The following LARS1 variants were observed in gnomAD, a reference collection of about 807,000 sequenced individuals.
LARS1 encodes the protein leucine--tRNA ligase, cytoplasmic.
LARS1 carries 100 observed loss-of-function variants against 162.8 expected under a neutral mutation model. The ratio of observed to expected loss-of-function variants is 0.61; its 90% confidence interval spans 0.52 to 0.73. LARS1 has a LOEUF of 0.73. Ranked by LOEUF, LARS1 falls within the 30% of genes least tolerant of loss-of-function variation. The pLI is 0.00. For missense variants in LARS1, 1,258 were observed against 1,408.9 expected (o/e 0.89, Z 1.71); for synonymous variants, 457 against 462.8 (o/e 0.99, Z 0.16).
intron 21 of LARS1, among the ~76,000 whole-genome samples, chr5:146,136,331 T>G (rs772539072): frequency 6.6e-5 from 10 of 152,184 alleles, no homozygotes; most frequent in Non-Finnish European, 1.3e-4. Context: ...AATGTCATGT[T>G]CTAACAAGAA....
rs187957461 is a variant in LARS1, at chr5:146,163,808, C to G, written c.594+502G>C. Among the ~76,000 whole-genome samples the G allele has an allele frequency of 1.7e-3, 254 of 152,342 alleles. 1 individual carries two copies. The highest frequency in any genetic ancestry group is 3.1e-3 in the South Asian group (15 of 4,828). On this transcript the variant is annotated intron_variant, in intron 6 of 31. Transcript: ENST00000394434. ...ACATGCCTTCCTCACTAAGCTTAATCATTTCTAGCTTTTTACTTAAAATGA... is the reference window on the plus strand; with the variant it reads ...ACATGCCTTCCTCACTAAGCTTAATGATTTCTAGCTTTTTACTTAAAATGA...
intron 15 of LARS1, 75 bp from the exon 16 acceptor site, chr5:146,144,784 T>G: frequency 7.4e-7 from 1 of 1,342,854 alleles, no homozygotes; most frequent in South Asian, 1.2e-5. Context: ...AAAAATTACT[T>G]TAAAAAAATG....
At chr5:146,166,007 G>T (rs1364841499) in intron 5 of LARS1, among the ~76,000 whole-genome samples, 1 of 152,090 alleles carries the variant, frequency 6.6e-6, no homozygotes, top group Admixed American at 6.5e-5. Flanking sequence ...AATACATAAA[G>T]AAATAAAAAC....
At chr5:146,162,494 G>T (rs1753819290) in intron 6 of LARS1, among the ~76,000 whole-genome samples, 1 of 152,070 alleles carries the variant, frequency 6.6e-6, no homozygotes, top group African/African-American at 2.4e-5. Context: ...TTAAACAGAT[G>T]TGCTGTCACC....
At chr5:146,140,489 C>T (rs961766237) in intron 20 of LARS1, among the ~76,000 whole-genome samples, 4 of 152,130 alleles carry the variant, frequency 2.6e-5, no homozygotes, top group South Asian at 2.1e-4. Context: ...TGGGGCTACA[C>T]GTATGGATAT....
At chr5:146,176,238 G>A (rs1754560348) in intron 2 of LARS1, among the ~76,000 whole-genome samples, 1 of 151,862 alleles carries the variant, frequency 6.6e-6, no homozygotes, top group Non-Finnish European at 1.5e-5. Context: ...CGGATCACGA[G>A]GTCAGGAAAT....
At chr5:146,136,225 T>C (rs1328759374) in intron 21 of LARS1, among the ~76,000 whole-genome samples, 1 of 152,232 alleles carries the variant, frequency 6.6e-6, no homozygotes, top group Admixed American at 6.5e-5. Flanking sequence ...CAGAAGGAAA[T>C]GATGATTATA....
rs540840730 is a variant in LARS1 at position 146,155,009 on chromosome 5, G to A, written c.1066-1029C>T. ...TGGGATTACAGGCATGCACCACCAC[G>A]CCTGGCTAATTTCTGTATTTTTAGT... On this transcript the variant is annotated intron_variant, in intron 10 of 31. Transcript: ENST00000394434. Among the ~76,000 whole-genome samples the A allele has an allele frequency of 5.4e-3, 812 of 151,672 alleles. 4 individuals are homozygous for A. Among genetic ancestry groups the A allele is most frequent in the African/African-American group, 0.019 (767 of 41,354 alleles).
chr5:146,140,189 T>C lies in LARS1; in HGVS notation c.2148+15A>G, dbSNP rs1486569323. 8 of 1,602,038 alleles carry C rather than the reference T, an allele frequency of 5.0e-6. No homozygotes were observed. Among genetic ancestry groups the C allele is most frequent in the Non-Finnish European group, 6.8e-6 (8 of 1,170,022 alleles). On this transcript the variant is annotated intron_variant, in intron 21 of 31. Coordinates refer to ENST00000394434, the MANE Select transcript of LARS1 (RefSeq NM_020117.11). ...TCCACAGAATTTTAAACTTTTAAGA[T>C]GCAATAAGCCTTACCTTCTCAGAGT... is the stretch of plus-strand genomic sequence containing the variant.
At chr5:146,181,106 C>G (rs1754813073) in intron 1 of LARS1, 1 of 152,380 alleles carries the variant, frequency 6.6e-6, no homozygotes, top group African/African-American at 2.4e-5. Flanking sequence ...GTAATCCCAG[C>G]ACTTTGGGAG....
At chr5:146,143,599 A>G in intron 18 of LARS1, 49 bp from the exon 19 acceptor site, 1 of 1,577,536 alleles carries the variant, frequency 6.3e-7, no homozygotes, top group Non-Finnish European at 8.7e-7. Context: ...CATTTCATCT[A>G]TAGAATCCAC....
chr5:146,121,058 A>T (rs558085480), intron 30 of LARS1, among the ~76,000 whole-genome samples: 4 of 152,318 alleles, frequency 2.6e-5, no homozygotes, highest in Non-Finnish European at 4.4e-5. Flanking sequence ...TAGTATCTTA[A>T]TAGAATACTT....
intron 1 of LARS1, 94 bp downstream of exon 1, chr5:146,182,394 A>G (rs1353490054): frequency 2.0e-6 from 3 of 1,534,272 alleles, no homozygotes; most frequent in Admixed American, 1.7e-5. Context: ...TCTTTTAGAA[A>G]AGGACTTTCC....
intron 28 of LARS1, among the ~76,000 whole-genome samples, chr5:146,126,087 T>C (rs924686637): frequency 1.3e-5 from 2 of 152,016 alleles, no homozygotes; most frequent in African/African-American, 4.8e-5. Context: ...GCTATACCTA[T>C]ACAAATGTTG....
intron 20 of LARS1, among the ~76,000 whole-genome samples, chr5:146,140,858 C>T (rs954118721): frequency 2.0e-5 from 3 of 149,660 alleles, no homozygotes; most frequent in Admixed American, 6.7e-5. Context: ...CATATATATA[C>T]ACACACACAC....
At chr5:146,150,834 G>T (rs1476377714) in intron 14 of LARS1, among the ~76,000 whole-genome samples, 5 of 151,726 alleles carry the variant, frequency 3.3e-5, no homozygotes, top group Admixed American at 2.6e-4. Context: ...AGCTACTCAG[G>T]AGTCTGAGGC....
rs551311125 is a variant in LARS1, at chr5:146,163,740, G to A, written c.594+570C>T. On this transcript the variant is annotated intron_variant, in intron 6 of 31. Transcript: ENST00000394434. ...CTTTGCATTCATAACTTGGCTGACT[G>A]TTTGGCACAACAGGCCTAGCATTTA... Among the ~76,000 whole-genome samples, 32 of 152,276 alleles carry A rather than the reference G, an allele frequency of 2.1e-4. 1 individual carries two copies. The highest frequency in any genetic ancestry group is 3.4e-3 in the Middle Eastern group (1 of 294).
chr5:146,176,182 G>A (rs547687743), intron 2 of LARS1, among the ~76,000 whole-genome samples: 2 of 151,986 alleles, frequency 1.3e-5, no homozygotes, highest in African/African-American at 2.4e-5. Context: ...GGCTAGGCAC[G>A]GTGGCTTATG....
At chr5:146,162,709 A>T (rs538658211) in intron 6 of LARS1, among the ~76,000 whole-genome samples, 1 of 152,364 alleles carries the variant, frequency 6.6e-6, no homozygotes, top group South Asian at 2.1e-4. Flanking sequence ...TAATCACTAG[A>T]GGAAAGCTGT....
Sources: gnomAD v4.1 joint callset for allele counts (sites outside exome capture counted in the v4.1 genomes callset) on GRCh38, gnomAD v4.1.1 for gene constraint, MANE v1.5 for transcripts, NCBI Gene and HGNC (gene_info 2026-07-23, HGNC 2026-07-21) for gene names.